ARHGAP26: variants seen among roughly 807,000 people sequenced by gnomAD.
ARHGAP26 encodes the protein rho GTPase-activating protein 26.
ARHGAP26 carries 38 observed loss-of-function variants against 104.8 expected under a neutral mutation model. That is an observed-to-expected ratio of 0.36 (90% CI 0.28 to 0.48). ARHGAP26 has a LOEUF of 0.48. Ranked by LOEUF, ARHGAP26 falls within the 20% of genes least tolerant of loss-of-function variation. ARHGAP26 has a pLI of 0.99. For synonymous variants in ARHGAP26, 341 were observed against 340.0 expected, an observed-to-expected ratio of 1.00 and a Z score of -0.03; for missense variants, 704 against 947.9, an observed-to-expected ratio of 0.74 and a Z score of 3.38.
intron 11 of ARHGAP26, among the ~76,000 whole-genome samples, chr5:143,002,715 G>A (rs1043619805): frequency 6.6e-6 from 1 of 152,118 alleles, no homozygotes; most frequent in Non-Finnish European, 1.5e-5. Context: ...TTTCTGACTT[G>A]TACATTACTT....
At chr5:143,072,460 T>G (rs190550711) in intron 17 of ARHGAP26, among the ~76,000 whole-genome samples, 2 of 152,354 alleles carry the variant, frequency 1.3e-5, no homozygotes, top group East Asian at 3.9e-4. Context: ...CACTAATGTT[T>G]CTTGCACCAC....
chr5:143,171,033 G>GA (rs1293962084), intron 20 of ARHGAP26, among the ~76,000 whole-genome samples: 1 of 152,070 alleles, frequency 6.6e-6, no homozygotes, highest in Non-Finnish European at 1.5e-5. Flanking sequence ...AAAGAGAGGG[G>GA]AAAAAAGAGC....
intron 6 of ARHGAP26, among the ~76,000 whole-genome samples, chr5:142,899,804 A>G (rs1760037164): frequency 6.6e-6 from 1 of 152,144 alleles, no homozygotes. Flanking sequence ...ATTTCCCATA[A>G]AAAAATGGAC....
chr5:143,050,481 G>T (rs2150217869), intron 14 of ARHGAP26, among the ~76,000 whole-genome samples: 1 of 152,202 alleles, frequency 6.6e-6, no homozygotes, highest in African/African-American at 2.4e-5. Flanking sequence ...ATCCAGCCAT[G>T]AACTATCCTT....
At position 143,012,548 on chromosome 5, in the gene ARHGAP26, CATACATAT is replaced by C. The variant is rs1202871682; in HGVS notation, c.1108-1528_1108-1521del. Among the ~76,000 whole-genome samples, 3 of 23,352 alleles carry C rather than the reference CATACATAT, an allele frequency of 1.3e-4. 1 individual carries two copies. The highest frequency in any genetic ancestry group is 2.1e-4 in the Non-Finnish European group (2 of 9,422). The allele number at this position is 23,352 out of a possible 152,430, so 15.3% of individuals were successfully genotyped here. On this transcript the variant is annotated intron_variant, in intron 11 of 22. Coordinates refer to ENST00000645722, the MANE Select transcript of ARHGAP26 (RefSeq NM_001135608.3). ...CTGGAGGGATATATTTATATACATA[CATACATAT>C]ATATATATATATATATATATTATGA...
At chr5:143,082,246 T>C (rs1789944159) in intron 17 of ARHGAP26, among the ~76,000 whole-genome samples, 1 of 152,150 alleles carries the variant, frequency 6.6e-6, no homozygotes, top group African/African-American at 2.4e-5. Context: ...AATAATTATG[T>C]CACCCTGGAG....
chr5:143,221,923 T>TGGAAGGAAGGAAGGAAGGAA (rs35244313), intron 22 of ARHGAP26, among the ~76,000 whole-genome samples: 4 of 150,200 alleles, frequency 2.7e-5, no homozygotes, highest in South Asian at 2.1e-4. Flanking sequence ...GGTGGATGGA[T>TGGAAGGAAGGAAGGAAGGAA]GGAAGGAAGG....
chr5:143,172,431 A>G (rs760822557), intron 20 of ARHGAP26, among the ~76,000 whole-genome samples: 8 of 152,360 alleles, frequency 5.3e-5, no homozygotes, highest in African/African-American at 1.4e-4. Flanking sequence ...AAAGAAGGGA[A>G]AAAATATAAT....
intron 11 of ARHGAP26, among the ~76,000 whole-genome samples, chr5:142,938,334 G>C (rs956166188): frequency 4.6e-5 from 7 of 151,986 alleles, no homozygotes; most frequent in Non-Finnish European, 1.0e-4. Context: ...GTTAAATCTG[G>C]GTTGACAAAC....
intron 5 of ARHGAP26, among the ~76,000 whole-genome samples, chr5:142,891,004 T>TG (rs1758580653): frequency 6.7e-6 from 1 of 149,978 alleles, no homozygotes; most frequent in Admixed American, 6.6e-5. Context: ...TTCTCCTGTT[T>TG]TCCCCCTCCA....
intron 20 of ARHGAP26, among the ~76,000 whole-genome samples, chr5:143,186,464 A>T (rs1032845098): frequency 6.6e-6 from 1 of 152,136 alleles, no homozygotes; most frequent in Non-Finnish European, 1.5e-5. Context: ...GGAGGTACTG[A>T]TTCTTCCCCA....
chr5:142,807,990 C>T lies in ARHGAP26; in HGVS notation c.154+37075C>T, dbSNP rs184434469. Among the ~76,000 whole-genome samples, 827 of 152,096 alleles carry T rather than the reference C, an allele frequency of 5.4e-3. 27 individuals are homozygous for T. The highest frequency in any genetic ancestry group is 0.049 in the Admixed American group (751 of 15,268). On this transcript the variant is annotated intron_variant, in intron 1 of 22. Transcript: ENST00000645722. The stretch of plus-strand genomic sequence containing the variant: ...GTGGCTCACGCCTGTAATCCCAGCA[C>T]TTTGGGAGGCCGAGGCGGGCGGATC...
At chr5:142,792,508 A>G (rs1760060433) in intron 1 of ARHGAP26, among the ~76,000 whole-genome samples, 1 of 152,216 alleles carries the variant, frequency 6.6e-6, no homozygotes, top group Non-Finnish European at 1.5e-5. Flanking sequence ...GTTTGGCGAC[A>G]TCTAAGCACT....
At chr5:143,221,631 G>A (rs1380650564) in intron 22 of ARHGAP26, among the ~76,000 whole-genome samples, 7 of 151,978 alleles carry the variant, frequency 4.6e-5, no homozygotes, top group African/African-American at 7.3e-5. Context: ...CTCCCGCTTC[G>A]GCACTCCCCC....
chr5:142,998,900 C>A (rs1776810413), intron 11 of ARHGAP26, among the ~76,000 whole-genome samples: 1 of 152,180 alleles, frequency 6.6e-6, no homozygotes, highest in Non-Finnish European at 1.5e-5. Flanking sequence ...CTCCCTCCAA[C>A]ATTTGCAGGA....
intron 10 of ARHGAP26, among the ~76,000 whole-genome samples, chr5:142,919,866 T>G (rs534992016): frequency 1.3e-5 from 2 of 152,196 alleles, no homozygotes; most frequent in South Asian, 4.2e-4. Context: ...CCGAGCATGG[T>G]GGTGGGCACC....
chr5:142,886,272 C>T (rs1434361827), intron 5 of ARHGAP26, among the ~76,000 whole-genome samples: 6 of 152,086 alleles, frequency 3.9e-5, no homozygotes, highest in African/African-American at 9.7e-5. Flanking sequence ...GATACCATGC[C>T]AGTACTTCTG....
chr5:142,776,978 T>G (rs1210438866), intron 1 of ARHGAP26, among the ~76,000 whole-genome samples: 1 of 152,234 alleles, frequency 6.6e-6, no homozygotes, highest in African/African-American at 2.4e-5. Flanking sequence ...TGAAGTGGTA[T>G]CTCGTTGTGG....
intron 4 of ARHGAP26, among the ~76,000 whole-genome samples, chr5:142,882,607 A>G (rs750679065): frequency 6.6e-6 from 1 of 152,220 alleles, no homozygotes; most frequent in Non-Finnish European, 1.5e-5. Flanking sequence ...CACACAGGAC[A>G]TGGAAAGCAG....
Sources: gnomAD v4.1 joint callset for allele counts (sites outside exome capture counted in the v4.1 genomes callset) on GRCh38, gnomAD v4.1.1 for gene constraint, MANE v1.5 for transcripts, NCBI Gene and HGNC (gene_info 2026-07-23, HGNC 2026-07-21) for gene names.